Variants in IMMP2L observed in about 807,000 individuals in gnomAD.
The protein encoded by IMMP2L is inner mitochondrial membrane peptidase subunit 2.
A neutral mutation model predicts 19.3 loss-of-function variants in IMMP2L; 18 were observed. That is an observed-to-expected ratio of 0.93 (90% CI 0.64 to 1.38). The LOEUF (loss-of-function observed/expected upper bound fraction) is 1.38, where lower values mean the gene tolerates loss of function less well. IMMP2L is among the 40% of genes most tolerant of loss of function. The probability of loss-of-function intolerance (pLI) is 0.00; values close to 1 mark genes in which losing one functional copy is unlikely to be tolerated. For missense variants in IMMP2L, 233 were observed against 218.2 expected, an observed-to-expected ratio of 1.07 and a Z score of -0.43; for synonymous variants, 76 against 73.0, an observed-to-expected ratio of 1.04 and a Z score of -0.21.
intron 3 of IMMP2L, among the ~76,000 whole-genome samples, chr7:111,392,295 C>A (rs1291804895): frequency 6.6e-6 from 1 of 152,110 alleles, no homozygotes; most frequent in Non-Finnish European, 1.5e-5. Flanking sequence ...TGCCCCCACC[C>A]ACTGGAAATG....
intron 3 of IMMP2L, among the ~76,000 whole-genome samples, chr7:111,341,733 G>C (rs1050930423): frequency 6.6e-6 from 1 of 152,140 alleles, no homozygotes; most frequent in African/African-American, 2.4e-5. Context: ...TGGTCTGAAC[G>C]TGTCTTCCAA....
chr7:111,322,736 A>C (rs1483062275), intron 3 of IMMP2L, among the ~76,000 whole-genome samples: 1 of 151,884 alleles, frequency 6.6e-6, no homozygotes, highest in Non-Finnish European at 1.5e-5. Flanking sequence ...TTACATGAGA[A>C]AAAGACCTTT....
chr7:111,415,629 T>C (rs1217042347), intron 3 of IMMP2L, among the ~76,000 whole-genome samples: 1 of 151,836 alleles, frequency 6.6e-6, no homozygotes, highest in African/African-American at 2.4e-5. Flanking sequence ...TTACTTATTT[T>C]GCATATAGTT....
intron 3 of IMMP2L, among the ~76,000 whole-genome samples, chr7:111,311,340 G>A (rs1238456825): frequency 1.3e-5 from 2 of 152,038 alleles, no homozygotes; most frequent in Non-Finnish European, 2.9e-5. Context: ...AGAAAGGCAG[G>A]CAGGCAGGGA....
At chr7:111,536,387 A>G (rs1195495764) in intron 1 of IMMP2L, among the ~76,000 whole-genome samples, 4 of 151,974 alleles carry the variant, frequency 2.6e-5, no homozygotes, top group Admixed American at 1.3e-4. Flanking sequence ...GGCTCACTGC[A>G]GCCTCAATTC....
chr7:111,048,841 AAGAT>A (rs1359240157), intron 3 of IMMP2L, among the ~76,000 whole-genome samples: 1 of 152,134 alleles, frequency 6.6e-6, no homozygotes, highest in Non-Finnish European at 1.5e-5. Flanking sequence ...ATCTTCTGCA[AAGAT>A]AGATGCTCAT....
chr7:111,419,960 G>A (rs944934396), intron 3 of IMMP2L, among the ~76,000 whole-genome samples: 3 of 151,284 alleles, frequency 2.0e-5, no homozygotes, highest in Non-Finnish European at 4.4e-5. Context: ...ATGGATACAC[G>A]GCTTCAGTTT....
At chr7:111,301,725 T>G (rs746414997) in intron 3 of IMMP2L, among the ~76,000 whole-genome samples, 2 of 152,098 alleles carry the variant, frequency 1.3e-5, no homozygotes, top group South Asian at 2.1e-4. Flanking sequence ...CTTCCTCCAT[T>G]GAACTATTTG....
chr7:111,457,969 G>C (rs1002755688), intron 3 of IMMP2L, among the ~76,000 whole-genome samples: 4 of 148,888 alleles, frequency 2.7e-5, no homozygotes, highest in African/African-American at 9.9e-5. Flanking sequence ...ACAAATGTTC[G>C]AGTGCATTTT....
intron 3 of IMMP2L, among the ~76,000 whole-genome samples, chr7:111,231,033 TGTGTG>T (rs1813660021): frequency 1.3e-5 from 2 of 151,016 alleles, no homozygotes; most frequent in African/African-American, 4.9e-5. Flanking sequence ...GCTGTGTGTG[TGTGTG>T]TGTGTGTGTG....
chr7:111,506,823 T>C (rs1844954530), intron 2 of IMMP2L, among the ~76,000 whole-genome samples: 1 of 151,942 alleles, frequency 6.6e-6, no homozygotes, highest in South Asian at 2.1e-4. Flanking sequence ...CTTATATCTT[T>C]CTGAGGTTTT....
At chr7:111,281,423 G>C (rs1440686926) in intron 3 of IMMP2L, among the ~76,000 whole-genome samples, 2 of 152,098 alleles carry the variant, frequency 1.3e-5, no homozygotes, top group Admixed American at 1.3e-4. Flanking sequence ...AATGTGGCAA[G>C]TCAAGAAACT....
chr7:111,467,473 A>C (rs933400904), intron 3 of IMMP2L, among the ~76,000 whole-genome samples: 9 of 152,272 alleles, frequency 5.9e-5, no homozygotes, highest in South Asian at 2.1e-4. Context: ...CACACTGCTC[A>C]TACTCACTTA....
intron 3 of IMMP2L, among the ~76,000 whole-genome samples, chr7:111,415,250 G>C (rs2131553247): frequency 6.6e-6 from 1 of 151,800 alleles, no homozygotes. Flanking sequence ...GAGCTAGCAA[G>C]AAAATGTGGA....
chr7:111,276,025 C>G (rs534747304), intron 3 of IMMP2L, among the ~76,000 whole-genome samples: 1 of 152,056 alleles, frequency 6.6e-6, no homozygotes, highest in Non-Finnish European at 1.5e-5. Flanking sequence ...ATTTAGATGC[C>G]TCTTATTTCT....
intron 5 of IMMP2L, among the ~76,000 whole-genome samples, chr7:110,875,338 C>A (rs1161892774): frequency 6.6e-6 from 1 of 152,050 alleles, no homozygotes; most frequent in Non-Finnish European, 1.5e-5. Flanking sequence ...ATTATCATTT[C>A]CTATTCAGCA....
At chr7:110,978,652 AAT>A (rs1464536262) in intron 3 of IMMP2L, among the ~76,000 whole-genome samples, 5 of 152,102 alleles carry the variant, frequency 3.3e-5, no homozygotes, top group African/African-American at 1.2e-4. Flanking sequence ...TCAAACTATT[AAT>A]TGCTTAAAAA....
intron 5 of IMMP2L, among the ~76,000 whole-genome samples, chr7:110,798,259 T>C (rs1293606342): frequency 6.6e-6 from 1 of 151,948 alleles, no homozygotes; most frequent in African/African-American, 2.4e-5. Context: ...TTTCAAAACA[T>C]TCAAATAAAT....
intron 3 of IMMP2L, among the ~76,000 whole-genome samples, chr7:111,013,649 A>C (rs1441635012): frequency 6.6e-6 from 1 of 152,174 alleles, no homozygotes; most frequent in Non-Finnish European, 1.5e-5. Context: ...TCCCACATAC[A>C]AACTCCCATA....
Sources: gnomAD v4.1 joint callset for allele counts (sites outside exome capture counted in the v4.1 genomes callset) on GRCh38, gnomAD v4.1.1 for gene constraint, MANE v1.5 for transcripts, NCBI Gene and HGNC (gene_info 2026-07-23, HGNC 2026-07-21) for gene names.